Variants in PIGO observed in about 807,000 individuals in gnomAD.
The protein encoded by PIGO is GPI ethanolamine phosphate transferase 3, catalytic subunit.
A neutral mutation model predicts 86.9 loss-of-function variants in PIGO; 66 were observed. The observed-to-expected ratio is 0.76, with a 90% CI of 0.62 to 0.93. PIGO has a LOEUF of 0.93. Among genes scored for constraint, PIGO ranks in the 40% least tolerant of loss-of-function variants. The probability of loss-of-function intolerance (pLI) is 0.00; values close to 1 mark genes in which losing one functional copy is unlikely to be tolerated. For synonymous variants in PIGO, 570 were observed against 556.4 expected (o/e 1.02, Z -0.34); for missense variants, 1,202 against 1,359.1 (o/e 0.88, Z 1.82).
At position 35,092,210 on chromosome 9, in the gene PIGO, C is replaced by A; in HGVS notation, c.1677G>T (p.Val559=). The change falls in exon 7 of 11, where the codon GTG becomes GTT. Residue 559 remains valine, a synonymous_variant. Coordinates refer to ENST00000378617, the MANE Select transcript of PIGO (RefSeq NM_032634.4). ...VLLLLLFRLA[V]FFSDSFVVAE... Reference sequence around the variant, plus strand: ...CTACAACAAAACTATCAGAGAAGAACACAGCCAAGCGAAACAGCAGGAGTA... The same window carrying A: ...CTACAACAAAACTATCAGAGAAGAAAACAGCCAAGCGAAACAGCAGGAGTA... 1 of 1,614,210 alleles carries A rather than the reference C, an allele frequency of 6.2e-7. No individual in the cohort carries two copies. The highest frequency in any genetic ancestry group is 8.5e-7 in the Non-Finnish European group (1 of 1,180,048).
In PIGO at chr9:35,091,782, A is replaced by G. The variant is rs1829433129; in HGVS notation, c.2105T>C (p.Leu702Pro). 2 of 1,612,794 alleles carry G rather than the reference A, an allele frequency of 1.2e-6. No homozygotes were observed. The highest frequency in any genetic ancestry group is 1.7e-6 in the Non-Finnish European group (2 of 1,180,032). ...TAGGGGCAGTCCCCAGCGCACAAAG[A>G]GCATGGGTGGCTCGGGGCTCTTGAG... ...GNLKSPEPPMLFVRWGLPLMA... is the reference protein window; with the variant it reads ...GNLKSPEPPMPFVRWGLPLMA... Residue 702 changes from leucine to proline, a missense_variant, in exon 7 of 11, where the codon CTC becomes CCC. Transcript: ENST00000378617.
rs780889930 is a variant in PIGO, at chr9:35,092,026, C to A, written c.1861G>T (p.Ala621Ser). Residue 621 changes from alanine (A) to serine (S), a missense_variant, in exon 7 of 11, where the codon GCC becomes TCC. Transcript: ENST00000378617. ...AGCAACCCAATTCCAAGCCTCAGGG[C>A]ATATGCACCATTGTGCCGTGGGGGG... The part of the protein sequence containing the change: ...TNPPRHNGAY[A>S]LRLGIGLLLC... 1 of 1,614,228 alleles carries A rather than the reference C, an allele frequency of 6.2e-7. No individual in the cohort carries two copies. Among genetic ancestry groups the A allele is most frequent in the Admixed American group, 1.7e-5 (1 of 60,030 alleles).
chr9:35,095,423 C>G lies in PIGO; in HGVS notation c.143G>C (p.Gly48Ala), dbSNP rs1301885248. 4.3e-6 allele frequency: 7 copies of G among 1,613,996 alleles called. No individual in the cohort carries two copies. Among genetic ancestry groups the G allele is most frequent in the Non-Finnish European group, 5.9e-6 (7 of 1,180,018 alleles). ...CCCTTGGCTCCCCCATGGCAGGGAC[C>G]CAGGGCCTGGGGGCTCTTGGCAGCT... Reference protein sequence around the residue: ...HSSCQEPPGPGSLPWGSQGKP... With the variant: ...HSSCQEPPGPASLPWGSQGKP... The change falls in exon 2 of 11, where the codon GGG (glycine) becomes GCG (alanine). Residue 48 changes from glycine (G) to alanine (A), a missense_variant. Physicochemically the swap from Gly to Ala is moderately conservative, Grantham distance 60. Transcript: ENST00000378617.
At position 35,090,132 on chromosome 9, in the gene PIGO, C is replaced by A; in HGVS notation, c.3003G>T (p.Ala1001=). The A allele has an allele frequency of 6.2e-7, 1 of 1,614,252 alleles. No homozygotes were observed. The highest frequency in any genetic ancestry group is 8.5e-7 in the Non-Finnish European group (1 of 1,180,042). ...EPLMEMRLRD[A]PQHFYAALLQ... is the part of the protein sequence containing the mutation. ...GCAGTGCTGCATAGAAGTGCTGAGG[C>A]GCATCCCGGAGCCGCATCTCCATCA... The change falls in exon 9 of 11, where the codon GCG becomes GCT. Residue 1001 remains alanine, a synonymous_variant. Coordinates refer to ENST00000378617, the MANE Select transcript of PIGO (RefSeq NM_032634.4).
chr9:35,091,716 C>T lies in PIGO; in HGVS notation c.2171G>A (p.Gly724Glu). The change falls in exon 7 of 11, where the codon GGG (glycine) becomes GAG (glutamate). Residue 724 changes from glycine (G) to glutamate (E), a missense_variant. Physicochemically the swap from Gly to Glu is moderately conservative, Grantham distance 98. Transcript: ENST00000378617. ...GAGACGGGGGGGAGCCTCATCTGCC[C>T]CCGACGCCAATGCCCAGTAGGCAGC... The part of the protein sequence containing the change: ...GTAAYWALAS[G>E]ADEAPPRLRV... 6.2e-7 allele frequency: 1 copy of T among 1,612,196 alleles called. No individual in the cohort carries two copies. Among genetic ancestry groups the T allele is most frequent in the Non-Finnish European group, 8.5e-7 (1 of 1,180,026 alleles).
chr9:35,094,324 T>C lies in PIGO; in HGVS notation c.547A>G (p.Lys183Glu), dbSNP rs1564000883. ...GAGAAAGCACCAGGGAAAAGGTCTT[T>C]CCAGGTATCATCTCCCATGAAGACT... ...RVVFMGDDTWKDLFPGAFSKA... is the reference protein window; with the variant it reads ...RVVFMGDDTWEDLFPGAFSKA... The change falls in exon 3 of 11, where the codon AAA becomes GAA. Residue 183 changes from lysine (K) to glutamate (E), a missense_variant. Lys to Glu is a moderately conservative substitution (Grantham distance 56, BLOSUM62 1). Transcript: ENST00000378617. The C allele has an allele frequency of 6.2e-7, 1 of 1,606,934 alleles. No individual in the cohort carries two copies. Among genetic ancestry groups the C allele is most frequent in the African/African-American group, 1.3e-5 (1 of 74,356 alleles).
intron 1 of PIGO, chr9:35,095,809 T>A: frequency 2.4e-6 from 1 of 420,470 alleles, no homozygotes; most frequent in Non-Finnish European, 4.1e-6. Context: ...AGGTGAGGAG[T>A]TCGAGACCAG....
intron 3 of PIGO, 88 bp downstream of exon 3, chr9:35,094,128 A>G (rs997738328): frequency 3.2e-6 from 5 of 1,562,582 alleles, no homozygotes; most frequent in Non-Finnish European, 4.3e-6. Context: ...CCAGGCTGTT[A>G]CACCCATAGG....
In PIGO at chr9:35,092,525, A is replaced by AC. The variant is rs745452743; in HGVS notation, c.1361dup (p.Thr455TyrfsTer51). ...AGCAGGAAGCAGCCAAGAGAGCAGT[A>AC]CCCCCCGCCATGCGGACCAGAGAGA... On this transcript the variant is annotated frameshift_variant, in exon 7 of 11. Coordinates refer to ENST00000378617, the MANE Select transcript of PIGO (RefSeq NM_032634.4). LOFTEE classifies it high-confidence loss of function. 1.2e-6 allele frequency: 2 copies of AC among 1,613,970 alleles called. No homozygotes were observed. The highest frequency in any genetic ancestry group is 1.7e-6 in the Non-Finnish European group (2 of 1,179,942).
intron 2 of PIGO, among the ~76,000 whole-genome samples, chr9:35,094,771 C>T (rs961654132): frequency 4.6e-5 from 7 of 152,226 alleles, no homozygotes; most frequent in African/African-American, 1.2e-4. Context: ...AAGAATAAAA[C>T]TTACACTCCA....
chr9:35,092,445 G>C lies in PIGO; in HGVS notation c.1442C>G (p.Pro481Arg), dbSNP rs1563997847. ...CCAGGCCACAGGTGTCAGGAGTAGAGGGCAGAATGGAAAGCCTGGGGATAT... is the reference window on the plus strand; with the variant it reads ...CCAGGCCACAGGTGTCAGGAGTAGACGGCAGAATGGAAAGCCTGGGGATAT... The part of the protein sequence containing the change: ...WAISPGFPFC[P>R]LLLTPVAWGL... The change falls in exon 7 of 11, where the codon CCT (proline) becomes CGT (arginine). Residue 481 changes from proline (P) to arginine (R), a missense_variant. Transcript: ENST00000378617. 3.7e-6 allele frequency: 6 copies of C among 1,614,264 alleles called. No homozygotes were observed. Among genetic ancestry groups the C allele is most frequent in the Non-Finnish European group, 5.1e-6 (6 of 1,180,042 alleles).
At chr9:35,091,028 C>T in intron 7 of PIGO, 1 of 609,030 alleles carries the variant, frequency 1.6e-6, no homozygotes, top group South Asian at 2.2e-5. Flanking sequence ...CCTTGTCTCT[C>T]CTCTCCATGA....
At chr9:35,089,937 G>C (rs747478583) in intron 9 of PIGO, 129 bp downstream of exon 9, 9 of 1,455,390 alleles carry the variant, frequency 6.2e-6, no homozygotes, top group Non-Finnish European at 8.2e-6. Flanking sequence ...GAGGCCACTG[G>C]GCTTGGGCAA....
rs1478900103 is a variant in PIGO, at chr9:35,096,220, G to A, written c.-67C>T. 1.3e-5 allele frequency: 2 copies of A among 152,220 alleles called. No homozygotes were observed. Among genetic ancestry groups the A allele is most frequent in the Non-Finnish European group, 2.9e-5 (2 of 68,040 alleles). 9.4% of individuals were successfully genotyped at this position (152,220 alleles called of 1,614,324 possible). On this transcript the variant is annotated 5_prime_UTR_variant, in exon 1 of 11. Transcript: ENST00000378617. ...CAGTGGAAAGGGATCGAAGCCGCAG[G>A]GGAATCCGGGCCCAGCCGACGGCGC...
rs765632190 is a variant in PIGO, at chr9:35,092,167, G to A, written c.1720C>T (p.Pro574Ser). ...AGGATGAATGAGCCCAAAAGGAAGG[G>A]GGTGGCCCTGGCCTCAGCTACAACA... Reference protein sequence around the residue: ...SFVVAEARATPFLLGSFILLL... With the variant: ...SFVVAEARATSFLLGSFILLL... Residue 574 changes from proline (P) to serine (S), a missense_variant, in exon 7 of 11, where the codon CCC becomes TCC. Pro to Ser is a moderately conservative substitution (Grantham distance 74, BLOSUM62 -1). Coordinates refer to ENST00000378617, the MANE Select transcript of PIGO (RefSeq NM_032634.4). The A allele has an allele frequency of 7.4e-6, 12 of 1,614,186 alleles. No individual in the cohort carries two copies. The highest frequency in any genetic ancestry group is 3.3e-5 in the Admixed American group (2 of 60,022).
intron 2 of PIGO, 34 bp downstream of exon 2, chr9:35,095,021 G>A: frequency 9.1e-6 from 14 of 1,536,716 alleles, no homozygotes; most frequent in Non-Finnish European, 1.2e-5. Context: ...AATTTGCCAA[G>A]GTACTTCTGG....
At chr9:35,090,805 C>T in intron 7 of PIGO, 133 bp from the exon 8 acceptor site, 2 of 834,940 alleles carry the variant, frequency 2.4e-6, no homozygotes, top group Middle Eastern at 3.4e-4. Context: ...AGCCCAACCT[C>T]CTTACAGTCA....
intron 7 of PIGO, 160 bp downstream of exon 7, chr9:35,091,080 G>A: frequency 1.2e-6 from 1 of 800,250 alleles, no homozygotes; most frequent in East Asian, 2.7e-5. Flanking sequence ...CTTGGCTATG[G>A]CAGGTAAGAG....
chr9:35,092,612 A>G lies in PIGO; in HGVS notation c.1275T>C (p.Ile425=). ...KGAEATLPTV[I]AELQQFLRGA... is the part of the protein sequence containing the mutation. The stretch of plus-strand genomic sequence containing the variant: ...CCCGCAGGAACTGCTGCAGCTCAGC[A>G]ATCACAGTCGGCAGTGTCGCCTCAG... The change falls in exon 7 of 11, where the codon ATT becomes ATC. Residue 425 remains isoleucine, a synonymous_variant. Transcript: ENST00000378617. 6.2e-7 allele frequency: 1 copy of G among 1,614,270 alleles called. No homozygotes were observed.
Sources: gnomAD v4.1 joint callset for allele counts (sites outside exome capture counted in the v4.1 genomes callset) on GRCh38, gnomAD v4.1.1 for gene constraint, MANE v1.5 for transcripts, NCBI Gene and HGNC (gene_info 2026-07-23, HGNC 2026-07-21) for gene names.